Variants in TSPAN5 observed in about 807,000 individuals in gnomAD.
TSPAN5 encodes tetraspanin-5.
A neutral mutation model predicts 37.1 loss-of-function variants in TSPAN5; 10 were observed. The ratio of observed to expected loss-of-function variants is 0.27; its 90% CI spans 0.17 to 0.46. The LOEUF is 0.46. Among genes scored for constraint, TSPAN5 ranks in the 20% least tolerant of loss-of-function variants. The pLI, the probability that TSPAN5 is intolerant of heterozygous loss-of-function variation, is 1.00. For synonymous variants in TSPAN5, 110 were observed against 118.9 expected (o/e 0.93, Z 0.48); for missense variants, 195 against 326.6 (o/e 0.60, Z 3.11).
At chr4:98,504,259 A>C (rs1175624186) in intron 2 of TSPAN5, among the ~76,000 whole-genome samples, 1 of 152,140 alleles carries the variant, frequency 6.6e-6, no homozygotes, top group African/African-American at 2.4e-5. Context: ...ATCTGGGTCT[A>C]GGGGATGTAC....
chr4:98,647,153 C>T (rs1052470638), intron 1 of TSPAN5, among the ~76,000 whole-genome samples: 1 of 152,110 alleles, frequency 6.6e-6, no homozygotes, highest in Non-Finnish European at 1.5e-5. Context: ...TCTTTCAATA[C>T]TCTCTCACTC....
chr4:98,568,370 A>C (rs377482919), intron 1 of TSPAN5, among the ~76,000 whole-genome samples: 1 of 152,140 alleles, frequency 6.6e-6, no homozygotes, highest in Non-Finnish European at 1.5e-5. Context: ...GTGAAACCCT[A>C]TCTCTACTAA....
At chr4:98,577,174 A>C (rs1464553708) in intron 1 of TSPAN5, among the ~76,000 whole-genome samples, 2 of 152,046 alleles carry the variant, frequency 1.3e-5, no homozygotes, top group Non-Finnish European at 2.9e-5. Flanking sequence ...TTTGAGAAAA[A>C]ATTATTCATA....
chr4:98,577,428 C>A (rs1755265552), intron 1 of TSPAN5, among the ~76,000 whole-genome samples: 2 of 152,256 alleles, frequency 1.3e-5, no homozygotes, highest in Admixed American at 6.5e-5. Context: ...CTTCTCCCAG[C>A]CCAGAGACAT....
intron 1 of TSPAN5, among the ~76,000 whole-genome samples, chr4:98,595,193 T>C (rs1358507367): frequency 2.8e-5 from 3 of 108,370 alleles, no homozygotes; most frequent in Non-Finnish European, 5.4e-5. Context: ...AAGGAATGTA[T>C]CCATTTCTTC....
At chr4:98,487,272 A>G (rs1752990216) in intron 2 of TSPAN5, among the ~76,000 whole-genome samples, 2 of 151,896 alleles carry the variant, frequency 1.3e-5, no homozygotes, top group African/African-American at 4.8e-5. Context: ...AGAGCCCAAG[A>G]AACTGTCATT....
intron 1 of TSPAN5, among the ~76,000 whole-genome samples, chr4:98,512,356 C>T (rs944898075): frequency 2.0e-5 from 3 of 152,218 alleles, no homozygotes; most frequent in Non-Finnish European, 4.4e-5. Flanking sequence ...TGTTTGTCCA[C>T]AGAGCAAGCT....
chr4:98,646,455 C>T (rs974816498), intron 1 of TSPAN5, among the ~76,000 whole-genome samples: 9 of 152,174 alleles, frequency 5.9e-5, no homozygotes, highest in African/African-American at 2.2e-4. Flanking sequence ...CTATCCTCCC[C>T]ACCCCACCCA....
At chr4:98,510,156 CTTA>C (rs900139965) in intron 1 of TSPAN5, among the ~76,000 whole-genome samples, 2 of 152,170 alleles carry the variant, frequency 1.3e-5, no homozygotes, top group Non-Finnish European at 2.9e-5. Context: ...AATAGGCGCT[CTTA>C]TTATCCCCTT....
chr4:98,658,355 G>A lies in TSPAN5; in HGVS notation c.-129C>T. On this transcript the variant is annotated 5_prime_UTR_variant, in exon 1 of 8. Coordinates refer to ENST00000305798, the MANE Select transcript of TSPAN5 (RefSeq NM_005723.4). ...CACGGGGCCGCGGCGCTGGCGGCCT[G>A]GGCTCAGCCGCGCGGGGACCGACCG... 2.8e-6 allele frequency: 2 copies of A among 714,072 alleles called. No individual in the cohort carries two copies. Among genetic ancestry groups the A allele is most frequent in the Non-Finnish European group, 4.7e-6 (2 of 428,982 alleles). The allele number at this position is 714,072 out of a possible 1,614,324, so 44.2% of individuals were successfully genotyped here.
chr4:98,545,801 G>A (rs940819703), intron 1 of TSPAN5, among the ~76,000 whole-genome samples: 2 of 152,132 alleles, frequency 1.3e-5, no homozygotes, highest in African/African-American at 2.4e-5. Context: ...CAAAGTGCTG[G>A]GATTACAGGC....
At chr4:98,585,628 G>A (rs1236884267) in intron 1 of TSPAN5, among the ~76,000 whole-genome samples, 2 of 152,150 alleles carry the variant, frequency 1.3e-5, no homozygotes, top group Non-Finnish European at 2.9e-5. Context: ...CACTCTCTAT[G>A]TCCATGTGTA....
At chr4:98,603,901 C>G (rs1277370785) in intron 1 of TSPAN5, among the ~76,000 whole-genome samples, 1 of 152,112 alleles carries the variant, frequency 6.6e-6, no homozygotes, top group African/African-American at 2.4e-5. Context: ...TAATCACTTC[C>G]GAGTTATGCA....
At chr4:98,571,700 G>A (rs955895603) in intron 1 of TSPAN5, among the ~76,000 whole-genome samples, 1 of 152,070 alleles carries the variant, frequency 6.6e-6, no homozygotes, top group East Asian at 1.9e-4. Flanking sequence ...TGCAAATCAC[G>A]GCTGCTCCTC....
chr4:98,605,263 G>C (rs1422396161), intron 1 of TSPAN5, among the ~76,000 whole-genome samples: 1 of 152,128 alleles, frequency 6.6e-6, no homozygotes, highest in Non-Finnish European at 1.5e-5. Context: ...GCAGTAACTG[G>C]ATTATCAGCA....
rs370208186 is a variant in TSPAN5 at position 98,598,360 on chromosome 4, C to T, written c.81+59786G>A. 0.016 allele frequency among the ~76,000 whole-genome samples: 2,360 copies of T among 148,562 alleles called. 121 individuals carry two copies. The East Asian group carries it at 0.17, about 11-fold the overall frequency. On this transcript the variant is annotated intron_variant, in intron 1 of 7. Coordinates refer to ENST00000305798, the MANE Select transcript of TSPAN5 (RefSeq NM_005723.4). ...CTGGCACTCCCTAGTGAGATGAACC[C>T]GGTACCTCAGATGGAAATGCAGAAA...
At chr4:98,612,520 T>C (rs1452796801) in intron 1 of TSPAN5, among the ~76,000 whole-genome samples, 1 of 152,208 alleles carries the variant, frequency 6.6e-6, no homozygotes, top group Non-Finnish European at 1.5e-5. Context: ...TCAGACACCC[T>C]AGAATTTGCT....
chr4:98,477,844 G>A (rs1413215577), intron 5 of TSPAN5, among the ~76,000 whole-genome samples: 1 of 151,840 alleles, frequency 6.6e-6, no homozygotes, highest in Non-Finnish European at 1.5e-5. Context: ...TTTTTTTGTA[G>A]AGATGGGGTC....
At chr4:98,519,505 G>A (rs1391556654) in intron 1 of TSPAN5, among the ~76,000 whole-genome samples, 1 of 151,884 alleles carries the variant, frequency 6.6e-6, no homozygotes, top group African/African-American at 2.4e-5. Context: ...GAAAGGAAAG[G>A]AAAGGAAAAA....
Sources: gnomAD v4.1 joint callset for allele counts (sites outside exome capture counted in the v4.1 genomes callset) on GRCh38, gnomAD v4.1.1 for gene constraint, MANE v1.5 for transcripts, NCBI Gene and HGNC (gene_info 2026-07-23, HGNC 2026-07-21) for gene names.